The following DNAH14 variants were observed in gnomAD, a reference collection of about 807,000 sequenced individuals.
DNAH14 encodes dynein axonemal heavy chain 14, also known as axonemal beta dynein heavy chain 14.
Under a neutral mutation model 520.9 loss-of-function variants are expected in DNAH14, and 478 were observed. That is an observed-to-expected ratio of 0.92 (90% CI 0.85 to 0.99). DNAH14 has a LOEUF of 0.99. Among genes scored for constraint, DNAH14 ranks in the 50% least tolerant of loss-of-function variants. DNAH14 has a pLI of 0.00. For missense variants in DNAH14, 4,831 were observed against 5,234.5 expected, an observed-to-expected ratio of 0.92 and a Z score of 2.38; for synonymous variants, 1,581 against 1,757.2, an observed-to-expected ratio of 0.90 and a Z score of 2.51.
In DNAH14 at chr1:224,967,460, T is replaced by A. The variant is rs1234672764; in HGVS notation, c.528T>A (p.Val176=). 2 of 1,574,940 alleles carry A rather than the reference T, an allele frequency of 1.3e-6. No individual in the cohort carries two copies. The highest frequency in any genetic ancestry group is 1.7e-6 in the Non-Finnish European group (2 of 1,165,522). Reference sequence around the variant, plus strand: ...CTTTGGAAGATGATGGAGAATTTGTTTATTGCCTTCCTCGGAAAAGTCCTA... The same window carrying A: ...CTTTGGAAGATGATGGAGAATTTGTATATTGCCTTCCTCGGAAAAGTCCTA... ...KKPLEDDGEF[V]YCLPRKSPKS... is the part of the protein sequence containing the mutation. Residue 176 remains valine, a synonymous_variant, in exon 6 of 86, where the codon GTT becomes GTA. Transcript: ENST00000682510.
At chr1:225,289,417 AAAC>A (rs1222654837) in intron 54 of DNAH14, among the ~76,000 whole-genome samples, 1 of 152,198 alleles carries the variant, frequency 6.6e-6, no homozygotes, top group African/African-American at 2.4e-5. Context: ...TATCCACTTA[AAAC>A]AGGTATAAGC....
At chr1:225,087,916 A>T (rs1359343065) in intron 21 of DNAH14, among the ~76,000 whole-genome samples, 1 of 152,200 alleles carries the variant, frequency 6.6e-6, no homozygotes, top group African/African-American at 2.4e-5. Flanking sequence ...TAGTGCCTAT[A>T]TGCATGGTCA....
chr1:225,210,033 C>T (rs1284597821), intron 41 of DNAH14, among the ~76,000 whole-genome samples: 12 of 152,112 alleles, frequency 7.9e-5, no homozygotes, highest in Non-Finnish European at 1.8e-4. Context: ...TGGGTGCCTA[C>T]ACCACAAGGG....
At position 225,303,241 on chromosome 1, in the gene DNAH14, T is replaced by G. The variant is rs536005775; in HGVS notation, c.8717T>G (p.Met2906Arg). ...CAAAATTGTAGAGTGTATCCTTCTATGATTAGCTCCTGCACGATCGATTGG... is the reference window on the plus strand; with the variant it reads ...CAAAATTGTAGAGTGTATCCTTCTAGGATTAGCTCCTGCACGATCGATTGG... The part of the protein sequence containing the change: ...FRQNCRVYPS[M>R]ISSCTIDWYE... Residue 2906 changes from methionine to arginine, a missense_variant, in exon 57 of 86, where the codon ATG (methionine) becomes AGG (arginine). Transcript: ENST00000682510. 5.5e-5 allele frequency: 85 copies of G among 1,551,430 alleles called. No individual in the cohort carries two copies. The highest frequency in any genetic ancestry group is 7.1e-5 in the Non-Finnish European group (81 of 1,146,816).
intron 17 of DNAH14, among the ~76,000 whole-genome samples, chr1:225,073,991 GTTTTTTTTTTT>G (rs34546228): frequency 1.8e-5 from 1 of 55,044 alleles, no homozygotes; most frequent in African/African-American, 5.7e-5. Context: ...GTTTTAGGAA[GTTTTTTTTTTT>G]TTTTTTTTTT....
rs1385986508 is a variant in DNAH14, at chr1:225,205,107, C to T, written c.5977+834C>T. ...CTATTCATACCTCCCCTATCCTGACCAATGGATTTTCTAAAATTGTGGAGC... is the reference window on the plus strand; with the variant it reads ...CTATTCATACCTCCCCTATCCTGACTAATGGATTTTCTAAAATTGTGGAGC... On this transcript the variant is annotated intron_variant, in intron 39 of 85. Coordinates refer to ENST00000682510, the MANE Select transcript of DNAH14 (RefSeq NM_001367479.1). Among the ~76,000 whole-genome samples, 5 of 152,180 alleles carry T rather than the reference C, an allele frequency of 3.3e-5. No individual in the cohort carries two copies. In the East Asian group the frequency reaches 9.6e-4, roughly 29 times the overall value.
At chr1:225,027,929 C>T (rs1329150682) in intron 11 of DNAH14, among the ~76,000 whole-genome samples, 3 of 151,742 alleles carry the variant, frequency 2.0e-5, no homozygotes, top group East Asian at 3.9e-4. Context: ...TAGCATATTA[C>T]ATTACATACA....
At chr1:225,144,334 C>T (rs2079725445) in intron 28 of DNAH14, 63 bp from the exon 29 acceptor site, 2 of 1,186,546 alleles carry the variant, frequency 1.7e-6, no homozygotes, top group Non-Finnish European at 1.2e-6. Context: ...TCTTTTTCTG[C>T]ATGTGAAAAT....
chr1:225,347,839 A>G (rs77455941), intron 71 of DNAH14, among the ~76,000 whole-genome samples: 1,686 of 152,280 alleles, frequency 0.011, 29 homozygotes, highest in African/African-American at 0.038. Context: ...GCCCAATCAG[A>G]GGAACAAAAT....
intron 11 of DNAH14, among the ~76,000 whole-genome samples, chr1:225,033,354 T>C (rs2066686900): frequency 6.6e-6 from 1 of 152,020 alleles, no homozygotes; most frequent in African/African-American, 2.4e-5. Context: ...TCATTGCTTG[T>C]TTTTGTTAGC....
At chr1:225,139,527 G>T (rs2079242049) in intron 27 of DNAH14, among the ~76,000 whole-genome samples, 1 of 152,172 alleles carries the variant, frequency 6.6e-6, no homozygotes. Flanking sequence ...CTGAATGGAA[G>T]TAAAAAGACA....
intron 81 of DNAH14, among the ~76,000 whole-genome samples, chr1:225,386,140 T>C (rs989615256): frequency 8.5e-5 from 13 of 152,366 alleles, no homozygotes; most frequent in Admixed American, 7.2e-4. Flanking sequence ...AACGATTCCC[T>C]ATTTAATAAA....
At position 225,384,895 on chromosome 1, in the gene DNAH14, TGA is replaced by T. The variant is rs1006404892; in HGVS notation, c.13077+3317_13077+3318del. 6.6e-5 allele frequency among the ~76,000 whole-genome samples: 10 copies of T among 152,344 alleles called. No individual in the cohort carries two copies. The East Asian group carries it at 1.9e-3, about 29-fold the overall frequency. On this transcript the variant is annotated intron_variant, in intron 81 of 85. Coordinates refer to ENST00000682510, the MANE Select transcript of DNAH14 (RefSeq NM_001367479.1). Reference sequence around the variant, plus strand: ...TCATTTTATGAGGCCAACATCATCCTGATACCAAAGCCTGGCAGAGACACAAC... The same window carrying T: ...TCATTTTATGAGGCCAACATCATCCTTACCAAAGCCTGGCAGAGACACAAC...
chr1:224,997,137 A>T (rs547908144), intron 8 of DNAH14, among the ~76,000 whole-genome samples: 35 of 152,064 alleles, frequency 2.3e-4, no homozygotes, highest in African/African-American at 8.4e-4. Context: ...TGCCACCAAG[A>T]TCTGTAGGCT....
In DNAH14 at chr1:224,978,672, A is replaced by C. The variant is rs562077933; in HGVS notation, c.830+4519A>C. On this transcript the variant is annotated intron_variant, in intron 8 of 85. Coordinates refer to ENST00000682510, the MANE Select transcript of DNAH14 (RefSeq NM_001367479.1). ...TTCCTTTTTTTAGAGACAGAGTCTC[A>C]CTCTTGCCCAGGCGGCAGTACAGTT... 2.6e-5 allele frequency among the ~76,000 whole-genome samples: 4 copies of C among 152,250 alleles called. No homozygotes were observed. In the East Asian group the frequency reaches 7.7e-4, roughly 29 times the overall value.
intron 52 of DNAH14, 31 bp downstream of exon 52, chr1:225,273,156 G>A (rs182081656): frequency 5.2e-6 from 8 of 1,530,240 alleles, no homozygotes; most frequent in Non-Finnish European, 5.3e-6. Flanking sequence ...TTATTGGCCG[G>A]GTGTGGTGGC....
chr1:224,997,862 A>G (rs955582109), intron 8 of DNAH14, among the ~76,000 whole-genome samples: 1 of 152,114 alleles, frequency 6.6e-6, no homozygotes, highest in Non-Finnish European at 1.5e-5. Flanking sequence ...CATCATTCTC[A>G]GTAAACTATC....
In DNAH14 at chr1:225,373,121, C is replaced by T. The variant is rs1318343190; in HGVS notation, c.12319-1567C>T. Among the ~76,000 whole-genome samples, 4 of 142,884 alleles carry T rather than the reference C, an allele frequency of 2.8e-5. 1 individual carries two copies. The highest frequency in any genetic ancestry group is 1.5e-4 in the Admixed American group (2 of 13,414). The allele number at this position is 142,884 out of a possible 152,430, so 93.7% of individuals were successfully genotyped here. ...CTTACAGCCACTGAACATTGATAGC[C>T]GATGTATTGTCCAATTGCGGCACAG... On this transcript the variant is annotated intron_variant, in intron 77 of 85. Coordinates refer to ENST00000682510, the MANE Select transcript of DNAH14 (RefSeq NM_001367479.1).
chr1:225,236,419 G>A (rs2149601968), intron 42 of DNAH14, among the ~76,000 whole-genome samples: 1 of 152,250 alleles, frequency 6.6e-6, no homozygotes, highest in East Asian at 1.9e-4. Context: ...TCTCACATTG[G>A]CTGAGGAGTG....
Sources: gnomAD v4.1 joint callset for allele counts (sites outside exome capture counted in the v4.1 genomes callset) on GRCh38, gnomAD v4.1.1 for gene constraint, MANE v1.5 for transcripts, NCBI Gene and HGNC (gene_info 2026-07-23, HGNC 2026-07-21) for gene names.